Variants in NDC1 observed in about 807,000 individuals in gnomAD.
NDC1 encodes NDC1 transmembrane nucleoporin.
NDC1 carries 24 observed loss-of-function variants against 89.8 expected under a neutral mutation model. The ratio of observed to expected loss-of-function variants is 0.27; its 90% CI spans 0.19 to 0.38. The LOEUF (loss-of-function observed/expected upper bound fraction) is 0.38, where lower values mean the gene tolerates loss of function less well. NDC1 is among the 10% of genes least tolerant of loss of function. The pLI is 1.00. For missense variants in NDC1, 728 were observed against 797.6 expected, an observed-to-expected ratio of 0.91 and a Z score of 1.05; for synonymous variants, 296 against 284.8, an observed-to-expected ratio of 1.04 and a Z score of -0.39.
intron 11 of NDC1, among the ~76,000 whole-genome samples, chr1:53,797,942 G>A (rs1161424715): frequency 6.6e-6 from 1 of 151,930 alleles, no homozygotes; most frequent in East Asian, 1.9e-4. Flanking sequence ...GTTCTTTCAA[G>A]TTAACAAAAG....
At chr1:53,819,215 C>G in intron 5 of NDC1, 136 bp from the exon 6 acceptor site, 1 of 597,374 alleles carries the variant, frequency 1.7e-6, no homozygotes, top group Non-Finnish European at 3.0e-6. Flanking sequence ...AAGAGTATTG[C>G]AGAAGCAAAA....
In NDC1 at chr1:53,828,189, A is replaced by C. The variant is rs2100691349; in HGVS notation, c.281-16T>G. On this transcript the variant is annotated splice_polypyrimidine_tract_variant and intron_variant, in intron 3 of 17. Coordinates refer to ENST00000371429, the MANE Select transcript of NDC1 (RefSeq NM_018087.5). ...GAAGGCACAACTGCAAAGGAAACAC[A>C]TTACTGTGGCTTTATAACCTACAGC... 1.2e-6 allele frequency: 2 copies of C among 1,612,376 alleles called. No individual in the cohort carries two copies. The highest frequency in any genetic ancestry group is 1.3e-5 in the African/African-American group (1 of 75,034).
chr1:53,824,234 GA>G (rs752108016), intron 5 of NDC1, among the ~76,000 whole-genome samples: 1,704 of 83,884 alleles, frequency 0.02, 19 homozygotes, highest in Non-Finnish European at 0.03. Flanking sequence ...AACCTTTCTC[GA>G]AAAAAAAAAA....
chr1:53,789,204 T>TAAAAAC lies in NDC1; in HGVS notation c.1636-14_1636-9dup. 6.3e-7 allele frequency: 1 copy of TAAAAAC among 1,594,562 alleles called. No homozygotes were observed. Among genetic ancestry groups the TAAAAAC allele is most frequent in the Non-Finnish European group, 8.6e-7 (1 of 1,168,354 alleles). ...AATGGAGGCCTCTGGGTGCTACAAA[T>TAAAAAC]AAAAACAAAAACATTCAAGTGAATT... On this transcript the variant is annotated splice_polypyrimidine_tract_variant and intron_variant, in intron 14 of 17. Transcript: ENST00000371429.
intron 16 of NDC1, among the ~76,000 whole-genome samples, chr1:53,776,234 G>C (rs1647161793): frequency 6.6e-6 from 1 of 152,076 alleles, no homozygotes; most frequent in South Asian, 2.1e-4. Flanking sequence ...TGGGATTACA[G>C]GTGTGAGCTA....
intron 9 of NDC1, among the ~76,000 whole-genome samples, chr1:53,804,464 C>T (rs575571020): frequency 6.6e-5 from 10 of 152,214 alleles, no homozygotes; most frequent in South Asian, 4.2e-4. Flanking sequence ...GTGCCTAGCA[C>T]GTGATACCTA....
chr1:53,768,061 A>T, intron 17 of NDC1, 28 bp from the exon 18 acceptor site: 1 of 1,544,250 alleles, frequency 6.5e-7, no homozygotes, highest in Non-Finnish European at 8.8e-7. Flanking sequence ...TCAAAGCATA[A>T]GCTTTATTTT....
intron 11 of NDC1, 122 bp downstream of exon 11, chr1:53,800,571 C>T (rs761848973): frequency 9.3e-6 from 9 of 969,768 alleles, no homozygotes; most frequent in African/African-American, 1.6e-5. Context: ...ATGATCCGCC[C>T]ACCTCGGCCT....
rs760552185 is a variant in NDC1 at position 53,818,984 on chromosome 1, T to C, written c.690A>G (p.Leu230=). 8 of 1,494,930 alleles carry C rather than the reference T, an allele frequency of 5.4e-6. No homozygotes were observed. Among genetic ancestry groups the C allele is most frequent in the South Asian group, 1.2e-5 (1 of 81,344 alleles). 92.6% of individuals were successfully genotyped at this position (1,494,930 alleles called of 1,614,324 possible). A position where few individuals can be genotyped will look rare whatever the true frequency, so the allele number is the denominator to read the frequency against. Residue 230 remains leucine (L), a synonymous_variant, in exon 6 of 18, where the codon TTA becomes TTG. Coordinates refer to ENST00000371429, the MANE Select transcript of NDC1 (RefSeq NM_018087.5). ...AGAAATTCTTACCAAGAAAATAATA[T>C]AAAATGCAGAAATTTCTAACCAGGA... The part of the protein sequence containing the change: ...SLFLVRNFCI[L]YYFLGYIPKA...
chr1:53,827,633 C>T (rs1648913315), intron 4 of NDC1, among the ~76,000 whole-genome samples: 1 of 152,208 alleles, frequency 6.6e-6, no homozygotes, highest in Admixed American at 6.5e-5. Context: ...GCTACCTCTT[C>T]CAAGAACATG....
At chr1:53,768,128 TA>T in intron 17 of NDC1, 95 bp from the exon 18 acceptor site, 1 of 676,128 alleles carries the variant, frequency 1.5e-6, no homozygotes, top group East Asian at 3.1e-5. Context: ...TCAAAACAAT[TA>T]AAAATGAATA....
intron 16 of NDC1, among the ~76,000 whole-genome samples, chr1:53,772,986 T>A (rs1231747227): frequency 6.6e-6 from 1 of 151,406 alleles, no homozygotes; most frequent in African/African-American, 2.4e-5. Flanking sequence ...CCCTTGGAAA[T>A]GAAGCTATCA....
At chr1:53,768,074 A>G in intron 17 of NDC1, 41 bp from the exon 18 acceptor site, 1 of 1,342,788 alleles carries the variant, frequency 7.4e-7, no homozygotes, top group South Asian at 1.3e-5. Context: ...TTTATTTTAC[A>G]TTAAGCATAT....
At chr1:53,791,679 T>C (rs1557572120) in intron 14 of NDC1, among the ~76,000 whole-genome samples, 1 of 152,212 alleles carries the variant, frequency 6.6e-6, no homozygotes, top group African/African-American at 2.4e-5. Flanking sequence ...TATCATATAA[T>C]AGACCCACTT....
At chr1:53,789,663 G>A (rs2100641464) in intron 14 of NDC1, among the ~76,000 whole-genome samples, 1 of 152,116 alleles carries the variant, frequency 6.6e-6, no homozygotes, top group South Asian at 2.1e-4. Flanking sequence ...GCTGGGCGTG[G>A]TGGCAGGTGC....
intron 6 of NDC1, among the ~76,000 whole-genome samples, chr1:53,812,635 C>T (rs1391358420): frequency 6.6e-6 from 1 of 152,084 alleles, no homozygotes; most frequent in Non-Finnish European, 1.5e-5. Flanking sequence ...TAAGAATAAT[C>T]GATGTTCCTG....
chr1:53,805,935 G>A (rs1184912005), intron 9 of NDC1, among the ~76,000 whole-genome samples: 8 of 152,202 alleles, frequency 5.3e-5, no homozygotes, highest in Non-Finnish European at 1.0e-4. Context: ...TTAGCCGGGC[G>A]TGGTAGCGGG....
intron 10 of NDC1, among the ~76,000 whole-genome samples, chr1:53,801,904 G>C (rs1437959530): frequency 6.6e-6 from 1 of 152,068 alleles, no homozygotes; most frequent in African/African-American, 2.4e-5. Context: ...TTATAGGTGT[G>C]CAACACCATG....
chr1:53,784,850 C>T (rs1311379217), intron 16 of NDC1, among the ~76,000 whole-genome samples: 4 of 151,388 alleles, frequency 2.6e-5, no homozygotes, highest in Non-Finnish European at 4.4e-5. Context: ...CCCAGCTACT[C>T]GGGAGGCTGA....
Sources: gnomAD v4.1 joint callset for allele counts (sites outside exome capture counted in the v4.1 genomes callset) on GRCh38, gnomAD v4.1.1 for gene constraint, MANE v1.5 for transcripts, NCBI Gene and HGNC (gene_info 2026-07-23, HGNC 2026-07-21) for gene names.